Variants in MTPN observed in about 807,000 individuals in gnomAD.
The protein encoded by MTPN is myotrophin.
A neutral mutation model predicts 13.5 loss-of-function variants in MTPN; 2 were observed. The observed-to-expected ratio is 0.15, with a 90% CI of 0.06 to 0.47. The LOEUF is 0.47. Ranked by LOEUF, MTPN falls within the 20% of genes least tolerant of loss-of-function variation. The pLI, the probability that MTPN is intolerant of heterozygous loss-of-function variation, is 0.97. For synonymous variants in MTPN, 46 were observed against 51.7 expected (o/e 0.89, Z 0.48); for missense variants, 79 against 137.9 (o/e 0.57, Z 2.14).
chr7:135,964,652 G>A (rs553904920), intron 1 of MTPN, among the ~76,000 whole-genome samples: 3 of 152,042 alleles, frequency 2.0e-5, no homozygotes, highest in Admixed American at 2.0e-4. Flanking sequence ...ATTTAGTATA[G>A]AAATTCTATG....
chr7:135,960,494 T>C (rs1200836391), intron 1 of MTPN, among the ~76,000 whole-genome samples: 1 of 151,994 alleles, frequency 6.6e-6, no homozygotes, highest in African/African-American at 2.4e-5. Context: ...TCCTAACTGC[T>C]AGCACACCCT....
intron 1 of MTPN, among the ~76,000 whole-genome samples, chr7:135,960,970 A>G (rs976388396): frequency 1.3e-5 from 2 of 152,056 alleles, no homozygotes; most frequent in African/African-American, 4.8e-5. Flanking sequence ...GCAGGCTGAT[A>G]GGAAAGGGAA....
intron 3 of MTPN, among the ~76,000 whole-genome samples, chr7:135,946,362 G>A (rs1227533367): frequency 6.6e-6 from 1 of 152,138 alleles, no homozygotes; most frequent in Non-Finnish European, 1.5e-5. Flanking sequence ...CATCCAGAAG[G>A]ATACACACTC....
chr7:135,927,665 T>G lies in MTPN; in HGVS notation c.*2261A>C. The G allele has an allele frequency of 1.7e-6, 1 of 598,424 alleles. No homozygotes were observed. The highest frequency in any genetic ancestry group is 3.2e-6 in the Non-Finnish European group (1 of 312,564). The allele number at this position is 598,424 out of a possible 1,614,324, so 37.1% of individuals were successfully genotyped here. On this transcript the variant is annotated 3_prime_UTR_variant, in exon 4 of 4. Transcript: ENST00000393085. ...AAATAACCTAGTTAAAAAAAGAAAC[T>G]GTGAACCATCTTGGTCAGTCTATTC...
chr7:135,975,627 C>G (rs955142628), intron 1 of MTPN, among the ~76,000 whole-genome samples: 1 of 152,156 alleles, frequency 6.6e-6, no homozygotes, highest in Non-Finnish European at 1.5e-5. Context: ...TAGGTTCCAC[C>G]ATGACAGGAA....
chr7:135,955,276 G>A (rs893928642), intron 1 of MTPN, among the ~76,000 whole-genome samples: 1 of 152,016 alleles, frequency 6.6e-6, no homozygotes, highest in Non-Finnish European at 1.5e-5. Context: ...AAATAAGCAA[G>A]AGAAAAGAAT....
chr7:135,937,347 T>C (rs1184759185), intron 3 of MTPN, among the ~76,000 whole-genome samples: 2 of 151,336 alleles, frequency 1.3e-5, no homozygotes, highest in African/African-American at 4.9e-5. Flanking sequence ...TATATATATA[T>C]AGATCTCCAA....
chr7:135,942,731 A>C (rs1424403808), intron 3 of MTPN, among the ~76,000 whole-genome samples: 1 of 152,218 alleles, frequency 6.6e-6, no homozygotes, highest in Non-Finnish European at 1.5e-5. Context: ...ATACAGGCCT[A>C]TGTTACAGAA....
intron 1 of MTPN, among the ~76,000 whole-genome samples, chr7:135,969,898 T>A (rs1395654971): frequency 6.6e-6 from 1 of 152,196 alleles, no homozygotes; most frequent in Non-Finnish European, 1.5e-5. Flanking sequence ...ATTTTTCACC[T>A]ATCCAAATGG....
chr7:135,972,018 TA>T (rs1427550046), intron 1 of MTPN, among the ~76,000 whole-genome samples: 1 of 152,240 alleles, frequency 6.6e-6, no homozygotes, highest in African/African-American at 2.4e-5. Context: ...TTTGTCTCTA[TA>T]CTAATTATTT....
chr7:135,949,707 G>A (rs1443014693), intron 3 of MTPN, among the ~76,000 whole-genome samples: 2 of 152,112 alleles, frequency 1.3e-5, no homozygotes, highest in African/African-American at 4.8e-5. Context: ...TCTTACTGAA[G>A]CTGACACTAC....
intron 3 of MTPN, among the ~76,000 whole-genome samples, chr7:135,937,730 T>C (rs1039648634): frequency 6.6e-6 from 1 of 152,012 alleles, no homozygotes; most frequent in African/African-American, 2.4e-5. Context: ...GCCTCTCCTG[T>C]CCCTCCTTCC....
intron 3 of MTPN, among the ~76,000 whole-genome samples, chr7:135,949,415 C>A (rs1006133896): frequency 8.5e-5 from 13 of 152,074 alleles, no homozygotes; most frequent in Non-Finnish European, 1.6e-4. Context: ...GATCCACTAG[C>A]GGCAAAGAGT....
intron 1 of MTPN, among the ~76,000 whole-genome samples, chr7:135,954,181 GT>G (rs1273094776): frequency 1.3e-5 from 2 of 152,114 alleles, no homozygotes; most frequent in Non-Finnish European, 2.9e-5. Flanking sequence ...CCTATGCAGT[GT>G]TTAGCATAGT....
chr7:135,969,091 G>C lies in MTPN; in HGVS notation c.72+7938C>G, dbSNP rs1414339279. On this transcript the variant is annotated intron_variant, in intron 1 of 3. Transcript: ENST00000393085. ...CACTCTGGGGACTGTTGTGGGGTGGGGGGGGGGGAGGAGGGAGGGATAGCA... is the reference window on the plus strand; with the variant it reads ...CACTCTGGGGACTGTTGTGGGGTGGCGGGGGGGGAGGAGGGAGGGATAGCA... Among the ~76,000 whole-genome samples the C allele has an allele frequency of 1.3e-4, 14 of 110,176 alleles. 1 individual carries two copies. The highest frequency in any genetic ancestry group is 2.1e-4 in the Non-Finnish European group (11 of 51,964). 72.3% of individuals were successfully genotyped at this position (110,176 alleles called of 152,430 possible).
At chr7:135,935,692 T>G (rs1180897030) in intron 3 of MTPN, among the ~76,000 whole-genome samples, 1 of 152,220 alleles carries the variant, frequency 6.6e-6, no homozygotes, top group African/African-American at 2.4e-5. Context: ...AAAGGCATAA[T>G]CTGTTCACTA....
At chr7:135,972,816 C>T (rs1023944379) in intron 1 of MTPN, among the ~76,000 whole-genome samples, 1 of 151,530 alleles carries the variant, frequency 6.6e-6, no homozygotes, top group Non-Finnish European at 1.5e-5. Flanking sequence ...GCCAACTCCT[C>T]ATCGGTATGG....
intron 1 of MTPN, among the ~76,000 whole-genome samples, chr7:135,963,567 C>T (rs1799557634): frequency 6.6e-6 from 1 of 152,030 alleles, no homozygotes; most frequent in Non-Finnish European, 1.5e-5. Flanking sequence ...GAAAGAAGGT[C>T]TGTAAGGACG....
At chr7:135,956,173 T>G (rs1188272076) in intron 1 of MTPN, among the ~76,000 whole-genome samples, 1 of 152,218 alleles carries the variant, frequency 6.6e-6, no homozygotes, top group Non-Finnish European at 1.5e-5. Flanking sequence ...GCAGTCTTGA[T>G]GCACCGGTGG....
Sources: gnomAD v4.1 joint callset for allele counts (sites outside exome capture counted in the v4.1 genomes callset) on GRCh38, gnomAD v4.1.1 for gene constraint, MANE v1.5 for transcripts, NCBI Gene and HGNC (gene_info 2026-07-23, HGNC 2026-07-21) for gene names.